LRP1B: variants seen among roughly 807,000 people sequenced by gnomAD.
LRP1B encodes low-density lipoprotein receptor-related protein 1B.
In LRP1B, 217 loss-of-function variants were observed where a neutral mutation model predicts 556.6. That is an observed-to-expected ratio of 0.39 (90% CI 0.35 to 0.44). LRP1B has a LOEUF of 0.44. Among genes scored for constraint, LRP1B ranks in the 20% least tolerant of loss-of-function variants. The pLI, the probability that LRP1B is intolerant of heterozygous loss-of-function variation, is 1.00. For missense variants in LRP1B, 5,053 were observed against 5,620.8 expected (o/e 0.90, Z 3.23); for synonymous variants, 2,047 against 1,865.8 (o/e 1.10, Z -2.50).
chr2:141,671,414 G>C (rs1411887178), intron 2 of LRP1B, among the ~76,000 whole-genome samples: 3 of 152,152 alleles, frequency 2.0e-5, no homozygotes, highest in Non-Finnish European at 4.4e-5. Context: ...GCCAAGCAAG[G>C]ATGGAACTCA....
At chr2:141,882,848 T>C (rs921598903) in intron 1 of LRP1B, among the ~76,000 whole-genome samples, 1 of 152,122 alleles carries the variant, frequency 6.6e-6, no homozygotes, top group African/African-American at 2.4e-5. Context: ...GCAGGGGTTA[T>C]AGGCACACAT....
chr2:142,062,318 G>A (rs933752629), intron 1 of LRP1B, among the ~76,000 whole-genome samples: 1 of 151,832 alleles, frequency 6.6e-6, no homozygotes, highest in Non-Finnish European at 1.5e-5. Flanking sequence ...GCAGCACAAA[G>A]TTGTAGTGAG....
At chr2:140,931,843 C>A (rs1055819004) in intron 20 of LRP1B, among the ~76,000 whole-genome samples, 2 of 120,514 alleles carry the variant, frequency 1.7e-5, no homozygotes, top group African/African-American at 7.6e-5. Context: ...TATTAATCCG[C>A]TGAATTGGCT....
intron 82 of LRP1B, among the ~76,000 whole-genome samples, chr2:140,318,633 T>C (rs1467096640): frequency 6.8e-6 from 1 of 147,902 alleles, no homozygotes; most frequent in African/African-American, 2.6e-5. Context: ...TTCCAATAAC[T>C]CTGGAAGCTA....
At chr2:141,897,218 G>A (rs1561019) in intron 1 of LRP1B, among the ~76,000 whole-genome samples, 65,919 of 151,728 alleles carry the variant, frequency 0.43, 14,403 homozygotes, top group Admixed American at 0.49. Flanking sequence ...CACTGTAAAG[G>A]TCATTCAGGG....
At chr2:142,111,027 A>G (rs1345453028) in intron 1 of LRP1B, among the ~76,000 whole-genome samples, 1 of 152,160 alleles carries the variant, frequency 6.6e-6, no homozygotes, top group African/African-American at 2.4e-5. Context: ...TTTTATATGT[A>G]GTTCCTTTGT....
chr2:140,941,257 G>C (rs1695393156), intron 20 of LRP1B, among the ~76,000 whole-genome samples: 1 of 152,110 alleles, frequency 6.6e-6, no homozygotes, highest in Admixed American at 6.6e-5. Context: ...ATGGTAAAGA[G>C]GAGAACAAGA....
At chr2:140,790,415 G>A (rs1370443557) in intron 32 of LRP1B, among the ~76,000 whole-genome samples, 1 of 152,078 alleles carries the variant, frequency 6.6e-6, no homozygotes, top group African/African-American at 2.4e-5. Context: ...CCAGAGCCTG[G>A]GCAGCTGTTT....
intron 2 of LRP1B, among the ~76,000 whole-genome samples, chr2:141,554,884 G>A (rs1009472429): frequency 6.6e-6 from 1 of 151,902 alleles, no homozygotes; most frequent in Non-Finnish European, 1.5e-5. Context: ...CCAAATTACT[G>A]AATCAGAATC....
At chr2:141,904,901 C>T (rs1044903317) in intron 1 of LRP1B, among the ~76,000 whole-genome samples, 1 of 151,842 alleles carries the variant, frequency 6.6e-6, no homozygotes, top group African/African-American at 2.4e-5. Context: ...GGGACAGAGA[C>T]CTGACCACCT....
At chr2:141,956,496 T>C (rs1054854060) in intron 1 of LRP1B, among the ~76,000 whole-genome samples, 1 of 152,138 alleles carries the variant, frequency 6.6e-6, no homozygotes, top group Non-Finnish European at 1.5e-5. Context: ...ATGTCAGTTA[T>C]AGTCATTTAA....
chr2:141,069,897 T>C (rs935216994), intron 7 of LRP1B, among the ~76,000 whole-genome samples: 6 of 151,742 alleles, frequency 4.0e-5, no homozygotes, highest in East Asian at 2.0e-4. Context: ...TGGTGTGCTG[T>C]ACCCATTAAC....
intron 41 of LRP1B, among the ~76,000 whole-genome samples, chr2:140,659,285 T>C (rs1343779812): frequency 2.0e-5 from 3 of 151,796 alleles, no homozygotes; most frequent in Non-Finnish European, 4.4e-5. Context: ...TTATGAGTAG[T>C]AGATCTATTT....
In LRP1B at chr2:142,014,566, G is replaced by A. The variant is rs912066464; in HGVS notation, c.82+116082C>T. ...AGAAACAGTAAATGCCCAATTTTAT[G>A]TGAAAAGAAAGAAGAGGAACCAAAA... On this transcript the variant is annotated intron_variant, in intron 1 of 90. Transcript: ENST00000389484. Among the ~76,000 whole-genome samples the A allele has an allele frequency of 1.3e-4, 20 of 152,142 alleles. 1 individual carries two copies. The highest frequency in any genetic ancestry group is 8.5e-4 in the Admixed American group (13 of 15,274).
At chr2:140,401,597 C>A (rs1684505611) in intron 66 of LRP1B, among the ~76,000 whole-genome samples, 1 of 152,194 alleles carries the variant, frequency 6.6e-6, no homozygotes, top group South Asian at 2.1e-4. Context: ...GGTAGCTTAA[C>A]ACAAAGGACA....
At chr2:141,329,753 G>A (rs1687573728) in intron 3 of LRP1B, among the ~76,000 whole-genome samples, 1 of 152,154 alleles carries the variant, frequency 6.6e-6, no homozygotes, top group African/African-American at 2.4e-5. Flanking sequence ...CATGAATCGG[G>A]ATGGAGAAGG....
At position 140,628,820 on chromosome 2, in the gene LRP1B, G is replaced by A. The variant is rs77906705; in HGVS notation, c.6800-27181C>T. ...TCATGGAGGTGAATTTCCCTTTGCT[G>A]TTCCCATGATAATGAGTTCTCATGA... On this transcript the variant is annotated intron_variant, in intron 41 of 90. Coordinates refer to ENST00000389484, the MANE Select transcript of LRP1B (RefSeq NM_018557.3). Among the ~76,000 whole-genome samples, 1,404 of 152,116 alleles carry A rather than the reference G, an allele frequency of 9.2e-3. 23 individuals carry two copies. Among genetic ancestry groups the A allele is most frequent in the African/African-American group, 0.032 (1,339 of 41,496 alleles).
In LRP1B at chr2:140,485,508, G is replaced by A. The variant is rs753066569; in HGVS notation, c.9260C>T (p.Ala3087Val). 19 of 1,612,788 alleles carry A rather than the reference G, an allele frequency of 1.2e-5. No individual in the cohort carries two copies. Among genetic ancestry groups the A allele is most frequent in the Non-Finnish European group, 1.6e-5 (19 of 1,179,338 alleles). ...ATCGACAGCAAGTGCATTGGGGACCGCTGTGTTATGAACTACCTACAAAAC... is the reference window on the plus strand; with the variant it reads ...ATCGACAGCAAGTGCATTGGGGACCACTGTGTTATGAACTACCTACAAAAC... ...GSDIKVVHNTAVPNALAVDWI... is the reference protein window; with the variant it reads ...GSDIKVVHNTVVPNALAVDWI... Residue 3087 changes from alanine to valine, a missense_variant, in exon 59 of 91, where the codon GCG (alanine) becomes GTG (valine). Coordinates refer to ENST00000389484, the MANE Select transcript of LRP1B (RefSeq NM_018557.3).
intron 1 of LRP1B, among the ~76,000 whole-genome samples, chr2:141,813,464 A>G (rs1696425127): frequency 6.6e-6 from 1 of 152,142 alleles, no homozygotes; most frequent in African/African-American, 2.4e-5. Context: ...GAGGGTGCTC[A>G]GCAAATTTAA....
Sources: gnomAD v4.1 joint callset for allele counts (sites outside exome capture counted in the v4.1 genomes callset) on GRCh38, gnomAD v4.1.1 for gene constraint, MANE v1.5 for transcripts, NCBI Gene and HGNC (gene_info 2026-07-23, HGNC 2026-07-21) for gene names.